GATA4: variants seen among roughly 807,000 people sequenced by gnomAD.
The protein encoded by GATA4 is transcription factor GATA-4.
In GATA4, 7 loss-of-function variants were observed where a neutral mutation model predicts 37.9. The observed-to-expected ratio is 0.18, with a 90% confidence interval of 0.11 to 0.35. GATA4 has a LOEUF of 0.35. Among genes scored for constraint, GATA4 ranks in the 10% least tolerant of loss-of-function variants. The pLI, the probability that GATA4 is intolerant of heterozygous loss-of-function variation, is 1.00. For synonymous variants in GATA4, 372 were observed against 292.6 expected (o/e 1.27, Z -2.77); for missense variants, 647 against 653.0 (o/e 0.99, Z 0.10).
chr8:11,732,542 A>C (rs1801260906), intron 2 of GATA4, among the ~76,000 whole-genome samples: 1 of 152,254 alleles, frequency 6.6e-6, no homozygotes, highest in Non-Finnish European at 1.5e-5. Flanking sequence ...CCAAAAAACT[A>C]ACTGCTATTG....
At chr8:11,729,224 C>G (rs770555829) in intron 2 of GATA4, among the ~76,000 whole-genome samples, 2 of 150,500 alleles carry the variant, frequency 1.3e-5, no homozygotes, top group Non-Finnish European at 1.5e-5. Context: ...AAAAAAAGAT[C>G]TAGCTGAGGG....
intron 2 of GATA4, among the ~76,000 whole-genome samples, chr8:11,728,396 T>G (rs1801042407): frequency 6.6e-6 from 1 of 152,194 alleles, no homozygotes; most frequent in Admixed American, 6.5e-5. Flanking sequence ...TGAAACAGGG[T>G]TTTGCTCTGA....
At chr8:11,736,621 G>T (rs1801471417) in intron 2 of GATA4, among the ~76,000 whole-genome samples, 1 of 152,254 alleles carries the variant, frequency 6.6e-6, no homozygotes, top group African/African-American at 2.4e-5. Flanking sequence ...GGACCTGGAG[G>T]AGTGGTGGGC....
rs1800027821 is a variant in GATA4 at position 11,708,865 on chromosome 8, G to C, written c.553G>C (p.Asp185His). 2.7e-6 allele frequency: 4 copies of C among 1,509,006 alleles called. No individual in the cohort carries two copies. Among genetic ancestry groups the C allele is most frequent in the Non-Finnish European group, 2.6e-6 (3 of 1,136,324 alleles). The allele number at this position is 1,509,006 out of a possible 1,614,324, so 93.5% of individuals were successfully genotyped here. ...CGCCGCCGCCTCCGCCGGCCCCTTC[G>C]ACAGCCCGGTCCTGCACAGCCTGCC... is the stretch of plus-strand genomic sequence containing the variant. ...AAAAASAGPF[D>H]SPVLHSLPGR... Residue 185 changes from aspartate to histidine, a missense_variant, in exon 2 of 7, where the codon GAC (aspartate) becomes CAC (histidine). Physicochemically the swap from Asp to His is moderately conservative, Grantham distance 81. Coordinates refer to ENST00000532059, the MANE Select transcript of GATA4 (RefSeq NM_001308093.3). This position sits in a 1 kb window ranked among gnomAD's most constrained non-coding sequence, Gnocchi z 6.7.
At chr8:11,724,015 C>T (rs1372298038) in intron 2 of GATA4, among the ~76,000 whole-genome samples, 1 of 152,200 alleles carries the variant, frequency 6.6e-6, no homozygotes, top group African/African-American at 2.4e-5. Flanking sequence ...ATTGTGCTTT[C>T]TGTCTCTCTG....
intron 1 of GATA4, among the ~76,000 whole-genome samples, chr8:11,705,369 C>G (rs796465045): frequency 6.6e-6 from 1 of 152,248 alleles, no homozygotes; most frequent in East Asian, 1.9e-4. Context: ...CGACCGTCCT[C>G]CTCGCTGCAG....
At chr8:11,757,150 G>A in intron 6 of GATA4, 67 bp downstream of exon 6, 5 of 1,595,314 alleles carry the variant, frequency 3.1e-6, no homozygotes, top group Non-Finnish European at 4.3e-6. Context: ...CCAGAGGCCA[G>A]CCTAGTACTG....
intron 1 of GATA4, among the ~76,000 whole-genome samples, chr8:11,694,768 A>G (rs143627200): frequency 1.4e-3 from 219 of 152,310 alleles, no homozygotes; most frequent in Admixed American, 3.8e-3. Flanking sequence ...TTCCATGATC[A>G]CAGAGGTATG....
chr8:11,708,650 C>G lies in GATA4; in HGVS notation c.338C>G (p.Thr113Ser). 28 of 1,316,040 alleles carry G rather than the reference C, an allele frequency of 2.1e-5. No homozygotes were observed. The highest frequency in any genetic ancestry group is 2.6e-5 in the Non-Finnish European group (27 of 1,034,494). 81.5% of individuals were successfully genotyped at this position (1,316,040 alleles called of 1,614,324 possible). The change falls in exon 2 of 7, where the codon ACC becomes AGC. Residue 113 changes from threonine (T) to serine (S), a missense_variant. Coordinates refer to ENST00000532059, the MANE Select transcript of GATA4 (RefSeq NM_001308093.3). The surrounding 1 kb of genome is among the most constrained non-coding windows in gnomAD (Gnocchi z 6.7). ...PVSPRFSFPG[T>S]TGSLAAAAAA... ...TCGCCGCGCTTCTCCTTCCCGGGGACCACCGGGTCCCTGGCGGCCGCCGCC... is the reference window on the plus strand; with the variant it reads ...TCGCCGCGCTTCTCCTTCCCGGGGAGCACCGGGTCCCTGGCGGCCGCCGCC...
chr8:11,709,643 A>G lies in GATA4; in HGVS notation c.616+715A>G, dbSNP rs542637368. 6.6e-5 allele frequency among the ~76,000 whole-genome samples: 10 copies of G among 151,046 alleles called. No individual in the cohort carries two copies. The highest frequency in any genetic ancestry group is 2.4e-4 in the African/African-American group (10 of 41,170). ...GGGACCTCAAACGCGCTTGTTCATG[A>G]CACCCGAGTTAAATGGAGACTTTGC... On this transcript the variant is annotated intron_variant, in intron 2 of 6. Transcript: ENST00000532059. The surrounding 1 kb of genome is among the most constrained non-coding windows in gnomAD (Gnocchi z 4.3).
At chr8:11,682,103 T>G (rs544722369) in intron 1 of GATA4, among the ~76,000 whole-genome samples, 1 of 152,382 alleles carries the variant, frequency 6.6e-6, no homozygotes, top group African/African-American at 2.4e-5. Flanking sequence ...ATAAATTTCT[T>G]AGGTTTTTAC....
intron 1 of GATA4, chr8:11,683,226 G>C (rs1034406959): frequency 1.3e-6 from 1 of 741,194 alleles, no homozygotes; most frequent in Non-Finnish European, 1.6e-6. Flanking sequence ...CCGGAGCGGG[G>C]GAGGACGGAG....
Position 11,749,001 on chromosome 8 carries a change from G to T in GATA4, c.702G>T (p.Thr234=), listed in dbSNP as rs55788387. The T allele has an allele frequency of 2.5e-6, 4 of 1,614,084 alleles. No homozygotes were observed. Residue 234 remains threonine (T), a synonymous_variant, in exon 3 of 7, where the codon ACG becomes ACT. Coordinates refer to ENST00000532059, the MANE Select transcript of GATA4 (RefSeq NM_001308093.3). This position sits in a 1 kb window ranked among gnomAD's most constrained non-coding sequence, Gnocchi z 4.6. ...CCCCGCTCTGGAGGCGAGATGGGAC[G>T]GGTCACTATCTGTGCAACGCCTGCG... The part of the protein sequence containing the change: ...MSTPLWRRDG[T]GHYLCNACGL...
At chr8:11,712,206 A>G (rs957170250) in intron 2 of GATA4, among the ~76,000 whole-genome samples, 2 of 152,232 alleles carry the variant, frequency 1.3e-5, no homozygotes, top group African/African-American at 4.8e-5. Flanking sequence ...AGAGTTACCA[A>G]TTTTGCTGGT....
chr8:11,746,779 G>A (rs1802055456), intron 2 of GATA4, among the ~76,000 whole-genome samples: 1 of 152,250 alleles, frequency 6.6e-6, no homozygotes, highest in Admixed American at 6.5e-5. Context: ...CTGAGGGCAG[G>A]CGACCTTGGT....
intron 4 of GATA4, among the ~76,000 whole-genome samples, chr8:11,753,003 C>A (rs758253514): frequency 9.2e-5 from 14 of 152,044 alleles, no homozygotes; most frequent in Non-Finnish European, 1.9e-4. Context: ...AGATTATATT[C>A]TCAGAAAATA....
chr8:11,689,351 C>A (rs933412873), upstream of GATA4, among the ~76,000 whole-genome samples: 1 of 152,128 alleles, frequency 6.6e-6, no homozygotes, highest in African/African-American at 2.4e-5. Context: ...ATAATTTATG[C>A]AAAATTATAA....
At chr8:11,719,516 CTTCTT>C (rs1416689295) in intron 2 of GATA4, among the ~76,000 whole-genome samples, 1 of 151,970 alleles carries the variant, frequency 6.6e-6, no homozygotes, top group African/African-American at 2.4e-5. Flanking sequence ...ATAAGGGAAA[CTTCTT>C]TATTTTATGA....
At position 11,709,576 on chromosome 8, in the gene GATA4, G is replaced by GGGGGGGGGC. The variant is rs1554488893; in HGVS notation, c.616+656_616+657insCGGGGGGGG. ...CGCGTGGGCGCATCATGCGGGCAGC[G>GGGGGGGGGC]GGGGGGGGGGCGCACACGCCCGGTC... On this transcript the variant is annotated intron_variant, in intron 2 of 6. Coordinates refer to ENST00000532059, the MANE Select transcript of GATA4 (RefSeq NM_001308093.3). This position sits in a 1 kb window ranked among gnomAD's most constrained non-coding sequence, Gnocchi z 4.3. Among the ~76,000 whole-genome samples, 4,171 of 41,620 alleles carry GGGGGGGGGC rather than the reference G, an allele frequency of 0.1. 170 individuals are homozygous for GGGGGGGGGC. Among genetic ancestry groups the GGGGGGGGGC allele is most frequent in the East Asian group, 0.45 (392 of 870 alleles). The allele number at this position is 41,620 out of a possible 152,430, so 27.3% of individuals were successfully genotyped here.
Sources: allele counts gnomAD v4.1 joint callset (sites outside exome capture counted in the v4.1 genomes callset), GRCh38; gene constraint gnomAD v4.1.1; non-coding constraint Gnocchi (gnomAD v3.1); transcripts MANE v1.5; gene names NCBI Gene and HGNC (gene_info 2026-07-23, HGNC 2026-07-21).